The following NAA35 variants were observed in gnomAD, a reference collection of about 807,000 sequenced individuals.
NAA35 encodes the protein N-alpha-acetyltransferase 35, NatC auxiliary subunit, also known as MAK10 homolog, amino-acid N-acetyltransferase subunit.
In NAA35, 18 loss-of-function variants were observed where a neutral mutation model predicts 101.7. The ratio of observed to expected loss-of-function variants is 0.18; its 90% CI spans 0.12 to 0.26. The LOEUF (loss-of-function observed/expected upper bound fraction) is 0.26. Ranked by LOEUF, NAA35 falls within the 10% of genes least tolerant of loss-of-function variation. The pLI is 1.00. For missense variants in NAA35, 601 were observed against 886.8 expected, an observed-to-expected ratio of 0.68 and a Z score of 4.09; for synonymous variants, 267 against 273.1, an observed-to-expected ratio of 0.98 and a Z score of 0.22.
At chr9:85,976,884 T>A in intron 9 of NAA35, 149 bp downstream of exon 9, 1 of 572,004 alleles carries the variant, frequency 1.7e-6, no homozygotes, top group Non-Finnish European at 3.0e-6. Context: ...TTCCCTTGTA[T>A]TTATTTTGAT....
intron 11 of NAA35, among the ~76,000 whole-genome samples, chr9:85,979,888 C>G (rs1830364615): frequency 6.6e-6 from 1 of 152,160 alleles, no homozygotes; most frequent in South Asian, 2.1e-4. Flanking sequence ...CTACTATCTA[C>G]CCGGAGGTAA....
chr9:86,020,872 T>G lies in NAA35; in HGVS notation c.2038-17T>G, dbSNP rs1316766549. Reference sequence around the variant, plus strand: ...CTATGAAGTTAATGTTTCAGTAGTTTTATGTTCATGTTTCAGGTTAATAGA... The same window carrying G: ...CTATGAAGTTAATGTTTCAGTAGTTGTATGTTCATGTTTCAGGTTAATAGA... On this transcript the variant is annotated splice_polypyrimidine_tract_variant and intron_variant, in intron 21 of 22. Transcript: ENST00000361671. The G allele has an allele frequency of 6.3e-7, 1 of 1,589,860 alleles. No homozygotes were observed. The highest frequency in any genetic ancestry group is 1.1e-5 in the South Asian group (1 of 88,916).
chr9:86,020,927 G>T lies in NAA35; in HGVS notation c.2076G>T (p.Val692=). ...RILKVAKPNF[V]VMKLLAGGHK... ...TAAAGGTTGCCAAACCCAACTTTGT[G>T]GTTATGAAGTTATTGGCAGGAGGAC... The change falls in exon 22 of 23, where the codon GTG becomes GTT. Residue 692 remains valine, a synonymous_variant. Coordinates refer to ENST00000361671, the MANE Select transcript of NAA35 (RefSeq NM_024635.4). 1 of 1,613,284 alleles carries T rather than the reference G, an allele frequency of 6.2e-7. No homozygotes were observed. Among genetic ancestry groups the T allele is most frequent in the South Asian group, 1.1e-5 (1 of 90,928 alleles).
At chr9:85,963,152 G>C (rs890932637) in intron 6 of NAA35, among the ~76,000 whole-genome samples, 10 of 151,808 alleles carry the variant, frequency 6.6e-5, no homozygotes, top group Non-Finnish European at 1.5e-4. Context: ...AATTTCCTAG[G>C]ATCCAACAGT....
At chr9:85,973,202 G>A (rs1830067917) in intron 6 of NAA35, among the ~76,000 whole-genome samples, 1 of 152,168 alleles carries the variant, frequency 6.6e-6, no homozygotes, top group African/African-American at 2.4e-5. Flanking sequence ...AATGTGAAGT[G>A]GTAGGAAATA....
At chr9:86,007,843 A>C (rs1464940462) in intron 14 of NAA35, among the ~76,000 whole-genome samples, 1 of 152,116 alleles carries the variant, frequency 6.6e-6, no homozygotes, top group Non-Finnish European at 1.5e-5. Context: ...GGAAGAAAGG[A>C]GTCATCATTT....
Position 86,019,096 on chromosome 9 carries a change from A to G in NAA35, c.2037+275A>G, listed in dbSNP as rs1216936047. 3.3e-5 allele frequency among the ~76,000 whole-genome samples: 5 copies of G among 152,252 alleles called. No individual in the cohort carries two copies. In the East Asian group the frequency reaches 7.7e-4, roughly 23 times the overall value. ...CTCAAAATCATAAAGAAGGATAAGC[A>G]TAAGATCCAGACTGATCTGATTCAT... is the stretch of plus-strand genomic sequence containing the variant. On this transcript the variant is annotated intron_variant, in intron 21 of 22. Coordinates refer to ENST00000361671, the MANE Select transcript of NAA35 (RefSeq NM_024635.4).
intron 18 of NAA35, 50 bp downstream of exon 18, chr9:86,016,725 A>G: frequency 3.2e-6 from 5 of 1,564,272 alleles, no homozygotes; most frequent in Non-Finnish European, 3.5e-6. Context: ...TTTAATTTCT[A>G]CAGATAAATA....
intron 6 of NAA35, among the ~76,000 whole-genome samples, chr9:85,969,650 TA>T (rs58545360): frequency 6.6e-6 from 1 of 152,104 alleles, no homozygotes; most frequent in Non-Finnish European, 1.5e-5. Context: ...AGATCCTTTT[TA>T]AAAGGGGTAC....
At chr9:86,014,183 C>T (rs1832087949) in intron 17 of NAA35, among the ~76,000 whole-genome samples, 2 of 152,160 alleles carry the variant, frequency 1.3e-5, no homozygotes. Flanking sequence ...GAAAAATTAA[C>T]ACATTTTGCC....
At chr9:86,012,852 T>G (rs998646888) in intron 15 of NAA35, among the ~76,000 whole-genome samples, 194 bp from the exon 16 acceptor site, 13 of 152,344 alleles carry the variant, frequency 8.5e-5, no homozygotes, top group African/African-American at 3.1e-4. Flanking sequence ...GCTGTTTTTT[T>G]CCAGTTATTG....
Position 85,954,600 on chromosome 9 carries a change from G to C in NAA35, c.125-1760G>C, listed in dbSNP as rs1188010679. ...TCCTAATGAATAGTGATCATCAAGGGCATTCTTAGATTGAAGAAAATTTTT... is the reference window on the plus strand; with the variant it reads ...TCCTAATGAATAGTGATCATCAAGGCCATTCTTAGATTGAAGAAAATTTTT... On this transcript the variant is annotated intron_variant, in intron 2 of 22. Transcript: ENST00000361671. Among the ~76,000 whole-genome samples, 3 of 152,082 alleles carry C rather than the reference G, an allele frequency of 2.0e-5. No homozygotes were observed. In the East Asian group the frequency reaches 5.8e-4, roughly 29 times the overall value.
intron 2 of NAA35, among the ~76,000 whole-genome samples, chr9:85,951,758 G>T (rs1050715340): frequency 1.3e-5 from 2 of 152,180 alleles, no homozygotes. Context: ...GGGTTCAAGG[G>T]ATTCTCCTGC....
At chr9:85,941,819 T>G in intron 1 of NAA35, 1 of 1,027,234 alleles carries the variant, frequency 9.7e-7, no homozygotes, top group Non-Finnish European at 1.2e-6. Flanking sequence ...TGCCTTGGTC[T>G]TTTGTGGCTA....
At position 85,942,177 on chromosome 9, in the gene NAA35, T is replaced by G. The variant is rs759432962; in HGVS notation, c.18T>G (p.Ser6=). 1 of 1,614,120 alleles carries G rather than the reference T, an allele frequency of 6.2e-7. No homozygotes were observed. The highest frequency in any genetic ancestry group is 8.5e-7 in the Non-Finnish European group (1 of 1,180,008). Residue 6 remains serine, a synonymous_variant, in exon 2 of 23, where the codon TCT becomes TCG. Transcript: ENST00000361671. MVMKA[S]VDDDDSGWEL... Reference sequence around the variant, plus strand: ...CAGGCATAATGGTTATGAAAGCTTCTGTAGATGATGACGATTCAGGATGGG... The same window carrying G: ...CAGGCATAATGGTTATGAAAGCTTCGGTAGATGATGACGATTCAGGATGGG...
At chr9:86,020,420 C>T (rs898876840) in intron 21 of NAA35, among the ~76,000 whole-genome samples, 1 of 151,740 alleles carries the variant, frequency 6.6e-6, no homozygotes, top group Non-Finnish European at 1.5e-5. Flanking sequence ...ATAAGGTAGC[C>T]ATTTCAATTC....
intron 6 of NAA35, among the ~76,000 whole-genome samples, chr9:85,970,118 C>T (rs1239325644): frequency 6.6e-6 from 1 of 152,162 alleles, no homozygotes; most frequent in Admixed American, 6.6e-5. Context: ...TGCTACCTCA[C>T]TGGTGGTTCT....
intron 2 of NAA35, among the ~76,000 whole-genome samples, chr9:85,948,875 A>G (rs574366207): frequency 6.6e-6 from 1 of 151,716 alleles, no homozygotes; most frequent in Non-Finnish European, 1.5e-5. Context: ...CTCCTGCCTC[A>G]GCCTCCCGGG....
At position 85,978,374 on chromosome 9, in the gene NAA35, A is replaced by C; in HGVS notation, c.870A>C (p.Thr290=). 1 of 1,588,506 alleles carries C rather than the reference A, an allele frequency of 6.3e-7. No homozygotes were observed. The part of the protein sequence containing the change: ...HHGIQAQNDT[T]KGDHPIMMGF... ...GCATCCAGGCCCAGAATGATACTAC[A>C]AAAGGAGGTAATTGTTCAATTTGCT... Residue 290 remains threonine (T), a synonymous_variant, in exon 11 of 23, where the codon ACA becomes ACC. Transcript: ENST00000361671.
Sources: allele counts gnomAD v4.1 joint callset (sites outside exome capture counted in the v4.1 genomes callset), GRCh38; gene constraint gnomAD v4.1.1; transcripts MANE v1.5; gene names NCBI Gene and HGNC (gene_info 2026-07-23, HGNC 2026-07-21).